ACSM3: variants seen among roughly 807,000 people sequenced by gnomAD.
The protein encoded by ACSM3 is acyl-CoA synthetase medium chain family member 3.
In ACSM3, 61 loss-of-function variants were observed where a neutral mutation model predicts 74.1. The observed-to-expected ratio is 0.82, with a 90% confidence interval of 0.67 to 1.02. ACSM3 has a LOEUF of 1.02. Ranked by LOEUF, ACSM3 falls within the 50% of genes least tolerant of loss-of-function variation. The probability of loss-of-function intolerance (pLI) is 0.00; values close to 1 mark genes in which losing one functional copy is unlikely to be tolerated. For synonymous variants in ACSM3, 213 were observed against 241.5 expected (o/e 0.88, Z 1.09); for missense variants, 660 against 697.0 (o/e 0.95, Z 0.60).
chr16:20,792,808 G>T, intron 12 of ACSM3: 1 of 673,902 alleles, frequency 1.5e-6, no homozygotes, highest in Non-Finnish European at 1.8e-6. Flanking sequence ...AATAAGTAGA[G>T]ATTTCAGGAA....
At chr16:20,737,734 C>T in intron 1 of ACSM3, 3 of 1,612,998 alleles carry the variant, frequency 1.9e-6, no homozygotes, top group Non-Finnish European at 2.5e-6. Context: ...AACTTCTTCT[C>T]TATTCACATG....
At chr16:20,728,265 C>G in intron 1 of ACSM3, 1 of 446,880 alleles carries the variant, frequency 2.2e-6, no homozygotes. Flanking sequence ...AATATCTGAC[C>G]GGTTCAATAA....
intron 1 of ACSM3, among the ~76,000 whole-genome samples, chr16:20,686,132 A>G (rs1208566587): frequency 6.6e-6 from 1 of 152,204 alleles, no homozygotes; most frequent in East Asian, 1.9e-4. Context: ...CCTGTCACAT[A>G]GTAAATGCTC....
intron 1 of ACSM3, chr16:20,685,375 A>G: frequency 6.2e-7 from 1 of 1,614,182 alleles, no homozygotes; most frequent in Non-Finnish European, 8.5e-7. Context: ...CACCCACCAA[A>G]AAGCTGGATT....
intron 1 of ACSM3, chr16:20,735,235 C>A (rs1176026502): frequency 3.3e-5 from 5 of 152,184 alleles, no homozygotes; most frequent in African/African-American, 1.2e-4. Flanking sequence ...TCAGCAAAAG[C>A]TGGCTGTTTT....
rs533620965 is a variant in ACSM3 at position 20,774,180 on chromosome 16, G to T, written c.220-1659G>T. On this transcript the variant is annotated intron_variant, in intron 2 of 13. Coordinates refer to ENST00000289416, the MANE Select transcript of ACSM3 (RefSeq NM_005622.4). Reference sequence around the variant, plus strand: ...ATGTGATATAAGCATAGCTATTCCTGCACACTTTTGGTTTCTATTTGTTTG... The same window carrying T: ...ATGTGATATAAGCATAGCTATTCCTTCACACTTTTGGTTTCTATTTGTTTG... 2.9e-4 allele frequency among the ~76,000 whole-genome samples: 44 copies of T among 150,890 alleles called. 1 individual carries two copies. Among genetic ancestry groups the T allele is most frequent in the Admixed American group, 1.1e-3 (16 of 15,156 alleles).
chr16:20,715,718 C>T (rs879347436), intron 1 of ACSM3, among the ~76,000 whole-genome samples: 5 of 152,218 alleles, frequency 3.3e-5, no homozygotes, highest in Non-Finnish European at 7.3e-5. Flanking sequence ...TTCCCTTCAA[C>T]CAGAGAAATT....
chr16:20,718,376 T>C, intron 1 of ACSM3: 1 of 966,316 alleles, frequency 1.0e-6, no homozygotes, highest in East Asian at 3.4e-5. Context: ...CACAGCTGTG[T>C]GGAAACAGGA....
At chr16:20,718,375 G>A (rs995787347) in intron 1 of ACSM3, 2 of 966,088 alleles carry the variant, frequency 2.1e-6, no homozygotes, top group East Asian at 3.4e-5. Context: ...GCACAGCTGT[G>A]TGGAAACAGG....
chr16:20,796,680 T>TTGGCTTAC (rs1396979512), intron 13 of ACSM3, 191 bp downstream of exon 13: 6 of 1,476,838 alleles, frequency 4.1e-6, no homozygotes, highest in Non-Finnish European at 5.4e-6. Flanking sequence ...GTTTGGTCCT[T>TTGGCTTAC]TGGCTTACTG....
chr16:20,782,219 CTTTGTTTTGTTTTTGTT>C (rs1277909891), intron 7 of ACSM3, among the ~76,000 whole-genome samples: 1 of 152,060 alleles, frequency 6.6e-6, no homozygotes, highest in South Asian at 2.1e-4. Context: ...CCCCGTTTCT[CTTTGTTTTGTTTTTGTT>C]TTTGTTTTGT....
chr16:20,741,464 G>GC, intron 1 of ACSM3: 1 of 1,472,994 alleles, frequency 6.8e-7, no homozygotes, highest in Non-Finnish European at 9.0e-7. Flanking sequence ...CCCTCCTCCC[G>GC]CAAGGCCTGG....
At chr16:20,779,980 G>A in intron 4 of ACSM3, 1 of 158,824 alleles carries the variant, frequency 6.3e-6, no homozygotes, top group South Asian at 1.5e-4. Flanking sequence ...GGCCAGGCTG[G>A]TCTCGAACTC....
intron 3 of ACSM3, 68 bp downstream of exon 3, chr16:20,776,117 A>G: frequency 6.7e-7 from 1 of 1,491,512 alleles, no homozygotes; most frequent in Non-Finnish European, 9.3e-7. Context: ...AGAACACCTA[A>G]GTAATCATGA....
intron 1 of ACSM3, among the ~76,000 whole-genome samples, chr16:20,688,909 T>G (rs1320226106): frequency 6.6e-6 from 1 of 150,722 alleles, no homozygotes; most frequent in Non-Finnish European, 1.5e-5. Flanking sequence ...CACTTGTTAT[T>G]TGTTACAGTA....
intron 9 of ACSM3, among the ~76,000 whole-genome samples, chr16:20,788,456 G>T (rs2080522207): frequency 6.6e-6 from 1 of 152,164 alleles, no homozygotes; most frequent in African/African-American, 2.4e-5. Context: ...ATGCAAATAT[G>T]ATGAGGCTGA....
intron 2 of ACSM3, among the ~76,000 whole-genome samples, chr16:20,752,676 C>T (rs541856150): frequency 6.6e-6 from 1 of 152,074 alleles, no homozygotes; most frequent in Admixed American, 6.6e-5. Flanking sequence ...GAGAAGAAAA[C>T]CTGATCTATT....
intron 1 of ACSM3, among the ~76,000 whole-genome samples, chr16:20,707,490 C>T (rs1229555301): frequency 6.6e-6 from 1 of 152,168 alleles, no homozygotes; most frequent in Non-Finnish European, 1.5e-5. Flanking sequence ...TATTCCTGTG[C>T]ACCTGAAGTA....
chr16:20,726,518 G>C (rs1203617477), intron 1 of ACSM3, among the ~76,000 whole-genome samples: 1 of 152,156 alleles, frequency 6.6e-6, no homozygotes, highest in Non-Finnish European at 1.5e-5. Context: ...AGTAATTCAG[G>C]GACTATTCAA....
Sources: gnomAD v4.1 joint callset for allele counts (sites outside exome capture counted in the v4.1 genomes callset) on GRCh38, gnomAD v4.1.1 for gene constraint, MANE v1.5 for transcripts, NCBI Gene and HGNC (gene_info 2026-07-23, HGNC 2026-07-21) for gene names.